The following IMPG1 variants were observed in gnomAD, a reference collection of about 807,000 sequenced individuals.
IMPG1 encodes the protein interphotoreceptor matrix proteoglycan of 150 kDa.
IMPG1 carries 85 observed loss-of-function variants against 92.0 expected under a neutral mutation model. That is an observed-to-expected ratio of 0.92 (90% CI 0.78 to 1.11). The LOEUF is 1.11. Among genes scored for constraint, IMPG1 ranks in the 50% least tolerant of loss-of-function variants. IMPG1 has a pLI of 0.00. For synonymous variants in IMPG1, 367 were observed against 334.1 expected (o/e 1.10, Z -1.08); for missense variants, 1,022 against 956.0 (o/e 1.07, Z -0.91).
At position 75,941,365 on chromosome 6, in the gene IMPG1, C is replaced by A. The variant is rs1435206976; in HGVS notation, c.2044+5949G>T. Among the ~76,000 whole-genome samples the A allele has an allele frequency of 2.6e-5, 4 of 152,270 alleles. No homozygotes were observed. The East Asian group carries it at 7.7e-4, about 29-fold the overall frequency. The stretch of plus-strand genomic sequence containing the variant: ...ATAAGGAGAAAAGTTGACTGTGTGA[C>A]CTTCAATGTTATATTAGAATATAAC... On this transcript the variant is annotated intron_variant, in intron 14 of 16. Coordinates refer to ENST00000369950, the MANE Select transcript of IMPG1 (RefSeq NM_001563.4).
intron 1 of IMPG1, among the ~76,000 whole-genome samples, chr6:76,067,233 A>G (rs1333563608): frequency 1.3e-5 from 2 of 152,106 alleles, no homozygotes; most frequent in Non-Finnish European, 2.9e-5. Flanking sequence ...AATAAAAAGC[A>G]TCAATGAAAT....
At chr6:76,022,745 T>C (rs1783455071) in intron 5 of IMPG1, among the ~76,000 whole-genome samples, 1 of 152,210 alleles carries the variant, frequency 6.6e-6, no homozygotes, top group Non-Finnish European at 1.5e-5. Flanking sequence ...TTGATATTTT[T>C]AAAGATCTTC....
At chr6:75,999,029 G>C (rs1237276125) in intron 12 of IMPG1, among the ~76,000 whole-genome samples, 1 of 152,038 alleles carries the variant, frequency 6.6e-6, no homozygotes, top group Non-Finnish European at 1.5e-5. Context: ...ACTTATTTTT[G>C]TATTTTTAGT....
chr6:76,030,827 T>C (rs1783641073), intron 4 of IMPG1, among the ~76,000 whole-genome samples: 1 of 152,186 alleles, frequency 6.6e-6, no homozygotes, highest in Non-Finnish European at 1.5e-5. Flanking sequence ...GATGTACTTC[T>C]TTAGAGTGGG....
At chr6:75,968,924 A>G (rs949539832) in intron 12 of IMPG1, among the ~76,000 whole-genome samples, 1 of 152,230 alleles carries the variant, frequency 6.6e-6, no homozygotes, top group Non-Finnish European at 1.5e-5. Flanking sequence ...ATATGAAATC[A>G]AATCAAGTGT....
Position 75,929,527 on chromosome 6 carries a change from C to G in IMPG1, c.2243+1426G>C, listed in dbSNP as rs184287358. On this transcript the variant is annotated intron_variant, in intron 15 of 16. Coordinates refer to ENST00000369950, the MANE Select transcript of IMPG1 (RefSeq NM_001563.4). ...GAACACATGGACACAGGAAGGGGAA[C>G]ATCACACACAGGGGACTGTTGTGGG... 5.8e-3 allele frequency among the ~76,000 whole-genome samples: 722 copies of G among 125,074 alleles called. 1 individual carries two copies. The highest frequency in any genetic ancestry group is 0.012 in the Middle Eastern group (2 of 166). The allele number at this position is 125,074 out of a possible 152,430, so 82.1% of individuals were successfully genotyped here.
At chr6:76,064,890 C>T (rs987393203) in intron 1 of IMPG1, among the ~76,000 whole-genome samples, 3 of 152,112 alleles carry the variant, frequency 2.0e-5, no homozygotes, top group Non-Finnish European at 4.4e-5. Context: ...TTCCTGAGAC[C>T]TCTGCCATAT....
chr6:76,022,472 TTTTGC>T (rs1239939071), intron 5 of IMPG1, among the ~76,000 whole-genome samples: 1 of 152,198 alleles, frequency 6.6e-6, no homozygotes, highest in African/African-American at 2.4e-5. Context: ...ACTTAAATGC[TTTTGC>T]CAGATGAGAC....
chr6:76,028,866 G>A (rs182133196), intron 4 of IMPG1, among the ~76,000 whole-genome samples: 53 of 152,258 alleles, frequency 3.5e-4, no homozygotes, highest in African/African-American at 1.2e-3. Flanking sequence ...GTGAAAATTT[G>A]GAGCATGCTT....
intron 12 of IMPG1, among the ~76,000 whole-genome samples, chr6:75,955,631 A>T (rs1009280579): frequency 6.6e-6 from 1 of 152,088 alleles, no homozygotes; most frequent in African/African-American, 2.4e-5. Context: ...AACTTCCAAC[A>T]CTATGTTGAA....
intron 5 of IMPG1, among the ~76,000 whole-genome samples, chr6:76,023,177 A>C (rs955591203): frequency 6.6e-6 from 1 of 152,234 alleles, no homozygotes; most frequent in East Asian, 1.9e-4. Flanking sequence ...AATAAAGTAC[A>C]TACCCTGTGG....
intron 5 of IMPG1, among the ~76,000 whole-genome samples, chr6:76,023,772 T>C (rs950414308): frequency 3.9e-5 from 6 of 152,170 alleles, no homozygotes; most frequent in East Asian, 3.8e-4. Context: ...AAAAATAATT[T>C]ATAAGAAAGG....
chr6:76,012,623 A>G (rs1276229805), intron 7 of IMPG1, among the ~76,000 whole-genome samples: 1 of 152,170 alleles, frequency 6.6e-6, no homozygotes, highest in African/African-American at 2.4e-5. Context: ...GAAGCTTGGG[A>G]GAGAGAGCAG....
At chr6:75,994,002 G>C (rs934342217) in intron 12 of IMPG1, among the ~76,000 whole-genome samples, 23 of 152,202 alleles carry the variant, frequency 1.5e-4, no homozygotes, top group African/African-American at 5.5e-4. Context: ...CTCCTGGCCT[G>C]AGCTGCTGTG....
chr6:75,941,341 T>C (rs1781833732), intron 14 of IMPG1, among the ~76,000 whole-genome samples: 1 of 152,210 alleles, frequency 6.6e-6, no homozygotes, highest in Non-Finnish European at 1.5e-5. Flanking sequence ...TATTTGGAAA[T>C]AAGGAGAAAA....
intron 1 of IMPG1, among the ~76,000 whole-genome samples, chr6:76,048,870 A>G (rs990233435): frequency 6.6e-6 from 1 of 152,250 alleles, no homozygotes; most frequent in Admixed American, 6.5e-5. Flanking sequence ...AGGAATATAA[A>G]GCATTCTGTT....
At chr6:75,924,667 A>ATATCATATATTATATAT in intron 15 of IMPG1, among the ~76,000 whole-genome samples, 256 of 8,000 alleles carry the variant, frequency 0.032, 45 homozygotes, top group African/African-American at 0.11. Flanking sequence ...AATATATAAT[A>ATATCATATATTATATAT]AATTATATAT....
At chr6:75,924,363 G>T (rs1781483642) in intron 15 of IMPG1, among the ~76,000 whole-genome samples, 2 of 127,944 alleles carry the variant, frequency 1.6e-5, no homozygotes, top group Non-Finnish European at 1.6e-5. Flanking sequence ...GTGGATGAAT[G>T]GATAAATTGT....
rs189081796 is a variant in IMPG1 at position 76,021,641 on chromosome 6, A to T, written c.666+475T>A. On this transcript the variant is annotated intron_variant, in intron 6 of 16. Coordinates refer to ENST00000369950, the MANE Select transcript of IMPG1 (RefSeq NM_001563.4). The stretch of plus-strand genomic sequence containing the variant: ...TACACACAGGATTTTGATCATTTTG[A>T]TATCTATTTGACCTATTCATCCCGG... Among the ~76,000 whole-genome samples the T allele has an allele frequency of 1.2e-4, 18 of 151,570 alleles. No homozygotes were observed. The East Asian group carries it at 3.5e-3, about 30-fold the overall frequency.
Sources: allele counts gnomAD v4.1 joint callset (sites outside exome capture counted in the v4.1 genomes callset), GRCh38; gene constraint gnomAD v4.1.1; transcripts MANE v1.5; gene names NCBI Gene and HGNC (gene_info 2026-07-23, HGNC 2026-07-21).